The following PTPRD variants were observed in gnomAD, a reference collection of about 807,000 sequenced individuals.
PTPRD encodes receptor-type tyrosine-protein phosphatase delta.
A neutral mutation model predicts 214.5 loss-of-function variants in PTPRD; 34 were observed. That is an observed-to-expected ratio of 0.16 (90% CI 0.12 to 0.21). The LOEUF is 0.21. Ranked by LOEUF, PTPRD falls within the 10% of genes least tolerant of loss-of-function variation. The probability of loss-of-function intolerance (pLI) is 1.00; values close to 1 mark genes in which losing one functional copy is unlikely to be tolerated. For synonymous variants in PTPRD, 1,128 were observed against 845.7 expected (o/e 1.33, Z -5.79); for missense variants, 2,545 against 2,398.7 (o/e 1.06, Z -1.27).
At chr9:8,804,491 G>A (rs1422075364) in intron 11 of PTPRD, among the ~76,000 whole-genome samples, 1 of 151,970 alleles carries the variant, frequency 6.6e-6, no homozygotes, top group African/African-American at 2.4e-5. Context: ...CCAATTACCT[G>A]GGAGGCTGGG....
chr9:8,392,006 T>G (rs1441258280), intron 36 of PTPRD, among the ~76,000 whole-genome samples: 13 of 152,150 alleles, frequency 8.5e-5, no homozygotes, highest in Admixed American at 2.0e-4. Flanking sequence ...GAATAATGAT[T>G]GCACTTCCCA....
chr9:9,638,519 A>G (rs2095842993), intron 7 of PTPRD, among the ~76,000 whole-genome samples: 1 of 152,218 alleles, frequency 6.6e-6, no homozygotes, highest in Non-Finnish European at 1.5e-5. Flanking sequence ...AGTAATGTCT[A>G]AGAAGACTGA....
chr9:9,036,225 C>G (rs77102682), intron 10 of PTPRD, among the ~76,000 whole-genome samples: 1 of 130,902 alleles, frequency 7.6e-6, no homozygotes, highest in Non-Finnish European at 1.6e-5. Flanking sequence ...AAAAAAAAAA[C>G]TTGGCAGGTT....
At chr9:10,178,405 C>T (rs531734252) in intron 3 of PTPRD, among the ~76,000 whole-genome samples, 1 of 151,880 alleles carries the variant, frequency 6.6e-6, no homozygotes, top group African/African-American at 2.4e-5. Context: ...GATATGAGCA[C>T]TTCAATTAAT....
chr9:8,611,926 TGAAAAGAAAA>T lies in PTPRD; in HGVS notation c.352+21381_352+21390del, dbSNP rs149119715. 6.2e-5 allele frequency among the ~76,000 whole-genome samples: 6 copies of T among 96,254 alleles called. No homozygotes were observed. In the East Asian group the frequency reaches 1.3e-3, roughly 21 times the overall value. The allele number at this position is 96,254 out of a possible 152,430, so 63.1% of individuals were successfully genotyped here. On this transcript the variant is annotated intron_variant, in intron 14 of 45. Transcript: ENST00000381196. The stretch of plus-strand genomic sequence containing the variant: ...TTTGTACCTAAATATCAAGACCTTG[TGAAAAGAAAA>T]GAAAAGAAAAGAGAAAACAAAAGAA...
At chr9:10,383,933 T>G (rs1183911025) in intron 2 of PTPRD, among the ~76,000 whole-genome samples, 2 of 151,748 alleles carry the variant, frequency 1.3e-5, no homozygotes, top group Non-Finnish European at 2.9e-5. Context: ...ATAGGTTTAA[T>G]CTACCAAGGA....
intron 35 of PTPRD, among the ~76,000 whole-genome samples, chr9:8,411,349 G>A (rs1431186725): frequency 6.6e-6 from 1 of 151,848 alleles, no homozygotes; most frequent in Non-Finnish European, 1.5e-5. Context: ...GCCTGTCCAG[G>A]CTGAAGTGCA....
At chr9:8,581,915 A>G in intron 14 of PTPRD, among the ~76,000 whole-genome samples, 1 of 106,882 alleles carries the variant, frequency 9.4e-6, no homozygotes, top group South Asian at 2.5e-4. Flanking sequence ...TCAATCTCCA[A>G]AAAAAAAAAA....
intron 12 of PTPRD, among the ~76,000 whole-genome samples, chr9:8,724,865 G>C (rs891371200): frequency 1.3e-5 from 2 of 152,082 alleles, no homozygotes; most frequent in African/African-American, 4.8e-5. Flanking sequence ...CCGAGCCCAG[G>C]AGGCAGAAGG....
chr9:8,732,295 A>G (rs1284190793), intron 12 of PTPRD, among the ~76,000 whole-genome samples: 12 of 152,228 alleles, frequency 7.9e-5, no homozygotes, highest in African/African-American at 1.9e-4. Context: ...TACAATAATT[A>G]TATCTAGTAA....
chr9:10,179,140 A>C (rs1197441806), intron 3 of PTPRD, among the ~76,000 whole-genome samples: 1 of 152,054 alleles, frequency 6.6e-6, no homozygotes, highest in Non-Finnish European at 1.5e-5. Context: ...AAAATATAGA[A>C]TGAGTTAGAC....
At chr9:9,477,697 T>C (rs1399974330) in intron 8 of PTPRD, among the ~76,000 whole-genome samples, 5 of 152,188 alleles carry the variant, frequency 3.3e-5, no homozygotes, top group Admixed American at 6.5e-5. Flanking sequence ...TCCCAGTACC[T>C]AATAATAATA....
chr9:9,765,279 T>C (rs1186888789), intron 6 of PTPRD, among the ~76,000 whole-genome samples: 1 of 152,142 alleles, frequency 6.6e-6, no homozygotes, highest in South Asian at 2.1e-4. Context: ...GCAGAAAACA[T>C]AGAGTATGTT....
At position 8,468,104 on chromosome 9, in the gene PTPRD, T is replaced by G. The variant is rs573828432; in HGVS notation, c.3505-2429A>C. Among the ~76,000 whole-genome samples, 28 of 152,160 alleles carry G rather than the reference T, an allele frequency of 1.8e-4. 1 individual carries two copies. The South Asian group carries it at 5.8e-3, about 31-fold the overall frequency. Reference sequence around the variant, plus strand: ...TTCTGCTAGGGTTTCTTTAGAAGACTTATAGGAAGTAATTCACAATAAAAT... The same window carrying G: ...TTCTGCTAGGGTTTCTTTAGAAGACGTATAGGAAGTAATTCACAATAAAAT... On this transcript the variant is annotated intron_variant, in intron 31 of 45. Coordinates refer to ENST00000381196, the MANE Select transcript of PTPRD (RefSeq NM_002839.4).
At chr9:10,436,837 A>G (rs1327228596) in intron 2 of PTPRD, among the ~76,000 whole-genome samples, 1 of 151,806 alleles carries the variant, frequency 6.6e-6, no homozygotes, top group Non-Finnish European at 1.5e-5. Context: ...GAGGAGAACT[A>G]ACGCCTGAGG....
intron 2 of PTPRD, among the ~76,000 whole-genome samples, chr9:10,455,698 T>A (rs2098908949): frequency 6.6e-6 from 1 of 151,786 alleles, no homozygotes; most frequent in Non-Finnish European, 1.5e-5. Flanking sequence ...ACCAATACAA[T>A]ATGTTCTCCA....
chr9:8,350,522 GA>G (rs1159726410), intron 39 of PTPRD, among the ~76,000 whole-genome samples: 1 of 152,114 alleles, frequency 6.6e-6, no homozygotes, highest in Non-Finnish European at 1.5e-5. Flanking sequence ...TTAATTAGGT[GA>G]CTCTTTTAAT....
intron 8 of PTPRD, among the ~76,000 whole-genome samples, chr9:9,529,985 G>C (rs1165634192): frequency 6.6e-6 from 1 of 151,878 alleles, no homozygotes; most frequent in Non-Finnish European, 1.5e-5. Context: ...AACATACCAA[G>C]ACCTATGGGA....
At position 8,746,320 on chromosome 9, in the gene PTPRD, T is replaced by C. The variant is rs1255334608; in HGVS notation, c.-103-12374A>G. ...CACAATGGTTATTTTTCAAAAGAAG[T>C]TGGCGTTACAAAGTGATTTGATAAT... On this transcript the variant is annotated intron_variant, in intron 11 of 45. Coordinates refer to ENST00000381196, the MANE Select transcript of PTPRD (RefSeq NM_002839.4). 3.9e-5 allele frequency among the ~76,000 whole-genome samples: 6 copies of C among 152,232 alleles called. No individual in the cohort carries two copies. The South Asian group carries it at 1.0e-3, about 26-fold the overall frequency.
Sources: allele counts gnomAD v4.1 joint callset (sites outside exome capture counted in the v4.1 genomes callset), GRCh38; gene constraint gnomAD v4.1.1; transcripts MANE v1.5; gene names NCBI Gene and HGNC (gene_info 2026-07-23, HGNC 2026-07-21).